Variants in CNTN1 observed in about 807,000 individuals in gnomAD.
CNTN1 encodes the protein contactin-1.
Under a neutral mutation model 126.4 loss-of-function variants are expected in CNTN1, and 38 were observed. The observed-to-expected ratio is 0.30, with a 90% CI of 0.23 to 0.39. The LOEUF (loss-of-function observed/expected upper bound fraction) is 0.39. Ranked by LOEUF, CNTN1 falls within the 10% of genes least tolerant of loss-of-function variation. The pLI is 1.00. For synonymous variants in CNTN1, 413 were observed against 422.6 expected (o/e 0.98, Z 0.28); for missense variants, 1,009 against 1,248.4 (o/e 0.81, Z 2.89).
rs117071689 is a variant in CNTN1, at chr12:40,941,972, C to T, written c.1380-1625C>T. On this transcript the variant is annotated intron_variant, in intron 12 of 23. Transcript: ENST00000551295. ...AAAGTACCTGAAAGTATAAATGAGA[C>T]GAATGACACATGGAATTATGTATAC... is the stretch of plus-strand genomic sequence containing the variant. 5.2e-4 allele frequency among the ~76,000 whole-genome samples: 79 copies of T among 151,940 alleles called. 2 individuals are homozygous for T. In the East Asian group the frequency reaches 6.0e-3, roughly 12 times the overall value.
rs1038115889 is a variant in CNTN1, at chr12:40,973,255, A to G, written c.1805-7654A>G. Among the ~76,000 whole-genome samples, 6 of 152,164 alleles carry G rather than the reference A, an allele frequency of 3.9e-5. No individual in the cohort carries two copies. The East Asian group carries it at 5.8e-4, about 15-fold the overall frequency. On this transcript the variant is annotated intron_variant, in intron 15 of 23. Transcript: ENST00000551295. The stretch of plus-strand genomic sequence containing the variant: ...ATAAGATTCAGCTTCATCTTAGTAC[A>G]ACTTCAAACATCAACATGATCAGAA...
At chr12:40,722,531 C>G (rs1942242352) in intron 1 of CNTN1, among the ~76,000 whole-genome samples, 2 of 152,146 alleles carry the variant, frequency 1.3e-5, no homozygotes, top group African/African-American at 2.4e-5. Context: ...AGATTCGTGA[C>G]AGTAAACTCC....
In CNTN1 at chr12:40,749,873, G is replaced by A. The variant is rs182924300; in HGVS notation, c.-77+57281G>A. On this transcript the variant is annotated intron_variant, in intron 1 of 23. Coordinates refer to ENST00000551295, the MANE Select transcript of CNTN1 (RefSeq NM_001843.4). ...AAAGAGAAGAGTTGGAGTCTAGGGT[G>A]TTAGGGATGAGGTTTTTCACTATTT... Among the ~76,000 whole-genome samples the A allele has an allele frequency of 2.1e-4, 32 of 152,030 alleles. No homozygotes were observed. In the East Asian group the frequency reaches 5.0e-3, roughly 24 times the overall value.
At chr12:41,049,061 C>T (rs942642257) in intron 23 of CNTN1, among the ~76,000 whole-genome samples, 12 of 152,148 alleles carry the variant, frequency 7.9e-5, no homozygotes, top group Admixed American at 5.2e-4. Context: ...ATGCATATGG[C>T]CACTTTCTCT....
intron 14 of CNTN1, among the ~76,000 whole-genome samples, chr12:40,952,229 A>G (rs1346363502): frequency 6.6e-6 from 1 of 152,128 alleles, no homozygotes; most frequent in Non-Finnish European, 1.5e-5. Context: ...CAAGTAGCTT[A>G]ATGTAAAATC....
intron 17 of CNTN1, among the ~76,000 whole-genome samples, chr12:40,998,518 A>T (rs1477739236): frequency 1.3e-5 from 2 of 152,122 alleles, no homozygotes; most frequent in African/African-American, 4.8e-5. Context: ...CTACAATGGG[A>T]ACATCATTTT....
rs79314888 is a variant in CNTN1 at position 40,929,048 on chromosome 12, C to T, written c.497-748C>T. 1.2e-3 allele frequency among the ~76,000 whole-genome samples: 189 copies of T among 151,958 alleles called. 2 individuals carry two copies. The East Asian group carries it at 0.019, about 15-fold the overall frequency. ...AAAGGTATGCATTGCCCATTGTCTC[C>T]TTGTGTATTTGTTGAATGACTCCTG... On this transcript the variant is annotated intron_variant, in intron 6 of 23. Coordinates refer to ENST00000551295, the MANE Select transcript of CNTN1 (RefSeq NM_001843.4).
chr12:40,886,762 A>G (rs1213309707), intron 1 of CNTN1, among the ~76,000 whole-genome samples: 3 of 152,104 alleles, frequency 2.0e-5, no homozygotes, highest in Admixed American at 2.0e-4. Flanking sequence ...TAAGGAAGGG[A>G]TCCAGTTTCA....
At chr12:40,832,855 C>T (rs1032445162) in intron 1 of CNTN1, among the ~76,000 whole-genome samples, 25 of 152,094 alleles carry the variant, frequency 1.6e-4, no homozygotes, top group African/African-American at 4.8e-5. Context: ...TGGCTAATCA[C>T]CCCGGGGACA....
intron 1 of CNTN1, among the ~76,000 whole-genome samples, chr12:40,826,889 G>A (rs1291095195): frequency 1.3e-5 from 2 of 152,140 alleles, no homozygotes; most frequent in East Asian, 3.9e-4. Flanking sequence ...ATGTATGTGA[G>A]AGAGTGTATA....
At chr12:40,956,444 C>T (rs1946883396) in intron 14 of CNTN1, among the ~76,000 whole-genome samples, 1 of 152,026 alleles carries the variant, frequency 6.6e-6, no homozygotes, top group Non-Finnish European at 1.5e-5. Flanking sequence ...GGGTACCTGC[C>T]TAGTCCACAG....
intron 1 of CNTN1, among the ~76,000 whole-genome samples, chr12:40,753,002 C>T (rs376177668): frequency 6.6e-6 from 1 of 152,028 alleles, no homozygotes; most frequent in African/African-American, 2.4e-5. Flanking sequence ...TATGTCATTG[C>T]CTTTGGTGGT....
At chr12:41,046,822 C>A (rs1949549223) in intron 23 of CNTN1, among the ~76,000 whole-genome samples, 1 of 149,288 alleles carries the variant, frequency 6.7e-6, no homozygotes, top group Non-Finnish European at 1.5e-5. Context: ...CCTACCCAGA[C>A]TACCAGTGAT....
At chr12:40,878,074 A>G (rs1943736334) in intron 1 of CNTN1, among the ~76,000 whole-genome samples, 1 of 139,634 alleles carries the variant, frequency 7.2e-6, no homozygotes, top group African/African-American at 2.7e-5. Context: ...CTTGGCTCAT[A>G]GCAACCTCTA....
At position 40,922,504 on chromosome 12, in the gene CNTN1, T is replaced by C. The variant is rs894972908; in HGVS notation, c.400+76T>C. ...AGCAAGAAGAACAATCAGGAAAGGA[T>C]AGTGAGAGGAAGGCATCATAGATGA... On this transcript the variant is annotated intron_variant, in intron 5 of 23. Coordinates refer to ENST00000551295, the MANE Select transcript of CNTN1 (RefSeq NM_001843.4). 2.2e-6 allele frequency: 3 copies of C among 1,377,652 alleles called. No homozygotes were observed. In the African/African-American group the frequency reaches 4.3e-5, roughly 20 times the overall value. 85.3% of individuals were successfully genotyped at this position (1,377,652 alleles called of 1,614,324 possible). A position where few individuals can be genotyped will look rare whatever the true frequency, so the allele number is the denominator to read the frequency against.
chr12:40,870,873 T>A (rs1943463866), intron 1 of CNTN1, among the ~76,000 whole-genome samples: 1 of 152,164 alleles, frequency 6.6e-6, no homozygotes, highest in Non-Finnish European at 1.5e-5. Flanking sequence ...AACTACAGCA[T>A]CCTTGGTTTG....
chr12:40,719,073 CT>C (rs1389381989), intron 1 of CNTN1, among the ~76,000 whole-genome samples: 1 of 152,048 alleles, frequency 6.6e-6, no homozygotes, highest in Non-Finnish European at 1.5e-5. Flanking sequence ...CGGTTCAAAA[CT>C]TTTTAAACAC....
chr12:40,859,406 A>T (rs994394757), intron 1 of CNTN1, among the ~76,000 whole-genome samples: 3 of 152,124 alleles, frequency 2.0e-5, no homozygotes, highest in African/African-American at 7.2e-5. Context: ...AATAGCGGAA[A>T]CTGTGTGGGC....
chr12:41,038,283 G>C (rs182468380), intron 23 of CNTN1, among the ~76,000 whole-genome samples: 2 of 152,270 alleles, frequency 1.3e-5, no homozygotes, highest in African/African-American at 4.8e-5. Flanking sequence ...TGGCACTTTG[G>C]AGGTCTATGT....
Sources: gnomAD v4.1 joint callset for allele counts (sites outside exome capture counted in the v4.1 genomes callset) on GRCh38, gnomAD v4.1.1 for gene constraint, MANE v1.5 for transcripts, NCBI Gene and HGNC (gene_info 2026-07-23, HGNC 2026-07-21) for gene names.